The following CFAP299 variants were observed in gnomAD, a reference collection of about 807,000 sequenced individuals.
The protein encoded by CFAP299 is cilia and flagella associated protein 299, also known as cilia- and flagella-associated protein 299.
A neutral mutation model predicts 27.0 loss-of-function variants in CFAP299; 21 were observed. The ratio of observed to expected loss-of-function variants is 0.78; its 90% CI spans 0.55 to 1.12. The LOEUF is 1.12. Ranked by LOEUF, CFAP299 falls within the 50% of genes most tolerant of loss-of-function variation. The pLI is 0.00. For missense variants in CFAP299, 310 were observed against 276.6 expected (o/e 1.12, Z -0.86); for synonymous variants, 104 against 98.1 (o/e 1.06, Z -0.36).
At chr4:80,742,948 G>A (rs1414380186) in intron 3 of CFAP299, among the ~76,000 whole-genome samples, 4 of 152,094 alleles carry the variant, frequency 2.6e-5, no homozygotes, top group African/African-American at 9.7e-5. Flanking sequence ...CATTTGTCTC[G>A]ATACTTCATG....
intron 4 of CFAP299, chr4:80,872,011 A>G (rs1489896229): frequency 7.0e-6 from 1 of 142,238 alleles, no homozygotes; most frequent in Non-Finnish European, 1.5e-5. Flanking sequence ...CTTCTACGCT[A>G]TTGATTTGTT....
chr4:80,536,866 T>C (rs2110194059), intron 2 of CFAP299, among the ~76,000 whole-genome samples: 1 of 152,028 alleles, frequency 6.6e-6, no homozygotes, highest in South Asian at 2.1e-4. Flanking sequence ...ACAAGTGGGA[T>C]TGCAGCTTCA....
At chr4:80,712,522 T>G (rs1293654814) in intron 3 of CFAP299, among the ~76,000 whole-genome samples, 2 of 152,194 alleles carry the variant, frequency 1.3e-5, no homozygotes, top group South Asian at 2.1e-4. Flanking sequence ...AAATCTTGTT[T>G]TGACTTGAGT....
At chr4:80,785,514 C>T (rs1727193239) in intron 3 of CFAP299, among the ~76,000 whole-genome samples, 1 of 152,104 alleles carries the variant, frequency 6.6e-6, no homozygotes, top group Admixed American at 6.6e-5. Context: ...CTGCTGGATG[C>T]TTGCATTAAA....
intron 3 of CFAP299, among the ~76,000 whole-genome samples, chr4:80,760,072 TTATC>T (rs1364350665): frequency 6.6e-6 from 1 of 152,148 alleles, no homozygotes; most frequent in East Asian, 1.9e-4. Flanking sequence ...CATTAACTCT[TTATC>T]TATCTTTTTA....
chr4:80,428,581 C>T (rs563572651), intron 2 of CFAP299, among the ~76,000 whole-genome samples: 5 of 152,066 alleles, frequency 3.3e-5, no homozygotes, highest in Admixed American at 1.3e-4. Context: ...GGCTGGAGTG[C>T]GGTGGTGCTA....
intron 2 of CFAP299, among the ~76,000 whole-genome samples, chr4:80,398,372 A>G (rs1725937176): frequency 6.6e-6 from 1 of 152,196 alleles, no homozygotes; most frequent in Admixed American, 6.5e-5. Flanking sequence ...AAGAGCCCGC[A>G]TTGCCAATTC....
rs757732945 is a variant in CFAP299, at chr4:80,542,865, CT to C, written c.243-40227del. On this transcript the variant is annotated intron_variant, in intron 2 of 5. Coordinates refer to ENST00000358105, the MANE Select transcript of CFAP299 (RefSeq NM_152770.3). ...TGGAGCATATTTGCCTATGGTGCCC[CT>C]GATGCCCCACCAGAGTGCTTCTCAC... Among the ~76,000 whole-genome samples the C allele has an allele frequency of 6.4e-4, 97 of 152,130 alleles. 1 individual carries two copies. The highest frequency in any genetic ancestry group is 3.4e-3 in the Middle Eastern group (1 of 292).
At chr4:80,548,635 GTCTTAT>G (rs1368694977) in intron 2 of CFAP299, among the ~76,000 whole-genome samples, 1 of 152,018 alleles carries the variant, frequency 6.6e-6, no homozygotes, top group Non-Finnish European at 1.5e-5. Flanking sequence ...GTATATTTTG[GTCTTAT>G]TCCAGTGAGG....
chr4:80,388,626 G>A (rs1374760912), intron 2 of CFAP299: 5 of 1,389,708 alleles, frequency 3.6e-6, no homozygotes, highest in East Asian at 4.6e-5. Flanking sequence ...CTGGGATCAG[G>A]GACTGCTCCT....
At chr4:80,452,180 A>T (rs1232720749) in intron 2 of CFAP299, among the ~76,000 whole-genome samples, 2 of 152,010 alleles carry the variant, frequency 1.3e-5, no homozygotes, top group African/African-American at 4.8e-5. Context: ...TATTTGGTGT[A>T]TATAGTAAAA....
At chr4:80,333,687 T>C (rs1481847501), upstream of CFAP299, among the ~76,000 whole-genome samples, 4 of 152,236 alleles carry the variant, frequency 2.6e-5, no homozygotes, top group Non-Finnish European at 4.4e-5. Context: ...CTTTCCTACA[T>C]CTTGGGGTTT....
chr4:80,688,411 C>A (rs1462289011), intron 3 of CFAP299, among the ~76,000 whole-genome samples: 2 of 18,784 alleles, frequency 1.1e-4, no homozygotes, highest in African/African-American at 2.1e-4. Context: ...AACTGGGAGG[C>A]ACCCCCCAGC....
At chr4:80,389,003 T>G (rs1013911737) in intron 2 of CFAP299, among the ~76,000 whole-genome samples, 5 of 152,320 alleles carry the variant, frequency 3.3e-5, no homozygotes, top group Non-Finnish European at 5.9e-5. Context: ...ACATGTGTTT[T>G]TGTGTGTTTA....
intron 3 of CFAP299, among the ~76,000 whole-genome samples, chr4:80,837,045 A>G (rs998509592): frequency 6.6e-6 from 1 of 151,984 alleles, no homozygotes; most frequent in Non-Finnish European, 1.5e-5. Flanking sequence ...TTTTAATAAT[A>G]TTATTAACAA....
chr4:80,593,039 T>G (rs1349594238), intron 3 of CFAP299, among the ~76,000 whole-genome samples: 1 of 152,202 alleles, frequency 6.6e-6, no homozygotes, highest in Admixed American at 6.5e-5. Flanking sequence ...GGAACACAAG[T>G]GAGCCTTCCC....
intron 2 of CFAP299, among the ~76,000 whole-genome samples, chr4:80,487,640 G>A (rs986382666): frequency 6.6e-6 from 1 of 152,182 alleles, no homozygotes; most frequent in Non-Finnish European, 1.5e-5. Context: ...CAAGCTGTGT[G>A]TGCACCACAG....
chr4:80,889,832 G>C (rs763510793), intron 4 of CFAP299, among the ~76,000 whole-genome samples: 3 of 151,964 alleles, frequency 2.0e-5, no homozygotes, highest in African/African-American at 7.2e-5. Context: ...ATGCAAATCA[G>C]TCAGTGTAAT....
chr4:80,865,245 T>C (rs562694953), intron 3 of CFAP299, among the ~76,000 whole-genome samples: 1 of 152,294 alleles, frequency 6.6e-6, no homozygotes, highest in African/African-American at 2.4e-5. Context: ...TAATAAACGA[T>C]AACAAGTATT....
Sources: gnomAD v4.1 joint callset for allele counts (sites outside exome capture counted in the v4.1 genomes callset) on GRCh38, gnomAD v4.1.1 for gene constraint, MANE v1.5 for transcripts, NCBI Gene and HGNC (gene_info 2026-07-23, HGNC 2026-07-21) for gene names.